The following ROR1 variants were observed in gnomAD, a reference collection of about 807,000 sequenced individuals.
The protein encoded by ROR1 is inactive tyrosine-protein kinase transmembrane receptor ROR1.
Under a neutral mutation model 78.8 loss-of-function variants are expected in ROR1, and 19 were observed. That is an observed-to-expected ratio of 0.24 (90% CI 0.17 to 0.35). ROR1 has a LOEUF of 0.35. ROR1 is among the 10% of genes least tolerant of loss of function. The pLI, the probability that ROR1 is intolerant of heterozygous loss-of-function variation, is 1.00. For missense variants in ROR1, 917 were observed against 1,177.8 expected, an observed-to-expected ratio of 0.78 and a Z score of 3.24; for synonymous variants, 386 against 433.6, an observed-to-expected ratio of 0.89 and a Z score of 1.36.
At chr1:63,919,929 A>G (rs1645640920) in intron 1 of ROR1, among the ~76,000 whole-genome samples, 1 of 152,224 alleles carries the variant, frequency 6.6e-6, no homozygotes, top group African/African-American at 2.4e-5. Flanking sequence ...AAACTACCAA[A>G]TATCCGCTTA....
At chr1:63,986,329 G>A (rs285349) in intron 1 of ROR1, among the ~76,000 whole-genome samples, 100,734 of 152,122 alleles carry the variant, frequency 0.66, 37,950 homozygotes, top group East Asian at 0.94. Flanking sequence ...CTTTCACTGA[G>A]ATTGCAGTAG....
In ROR1 at chr1:63,797,183, G is replaced by A. The variant is rs1008736851; in HGVS notation, c.91+22675G>A. ...AACACATGCCGAGAACTTTCTAGGTGCCAGGCACTGTGCCTTGCAAAAAAG... is the reference window on the plus strand; with the variant it reads ...AACACATGCCGAGAACTTTCTAGGTACCAGGCACTGTGCCTTGCAAAAAAG... On this transcript the variant is annotated intron_variant, in intron 1 of 8. Transcript: ENST00000371079. 5.3e-5 allele frequency among the ~76,000 whole-genome samples: 8 copies of A among 152,264 alleles called. No homozygotes were observed. In the East Asian group the frequency reaches 1.4e-3, roughly 26 times the overall value.
At chr1:63,998,925 C>T (rs1646361107) in intron 1 of ROR1, among the ~76,000 whole-genome samples, 1 of 152,180 alleles carries the variant, frequency 6.6e-6, no homozygotes, top group South Asian at 2.1e-4. Context: ...CTCACAAGAG[C>T]TGATGGTTTT....
intron 1 of ROR1, among the ~76,000 whole-genome samples, chr1:63,960,009 T>G (rs1399717048): frequency 6.6e-6 from 1 of 152,184 alleles, no homozygotes; most frequent in East Asian, 1.9e-4. Flanking sequence ...CACTATCCGC[T>G]TTTGATGTCA....
chr1:64,023,926 G>A (rs534482806), intron 2 of ROR1, among the ~76,000 whole-genome samples: 45 of 152,310 alleles, frequency 3.0e-4, no homozygotes, highest in Middle Eastern at 3.4e-3. Context: ...TGGATCATGG[G>A]CGCGGTTTTC....
intron 1 of ROR1, among the ~76,000 whole-genome samples, chr1:63,804,295 C>T (rs1644815423): frequency 1.3e-5 from 2 of 152,244 alleles, no homozygotes; most frequent in South Asian, 4.1e-4. Context: ...GAGTGCATGT[C>T]AAACTGGTCC....
intron 1 of ROR1, among the ~76,000 whole-genome samples, chr1:64,004,567 G>A (rs285387): frequency 0.66 from 99,867 of 151,986 alleles, 37,394 homozygotes; most frequent in East Asian, 0.94. Flanking sequence ...GCTGGCCGCT[G>A]GTCTTGTGAG....
intron 2 of ROR1, among the ~76,000 whole-genome samples, chr1:64,038,301 C>G (rs886905708): frequency 6.6e-6 from 1 of 152,174 alleles, no homozygotes; most frequent in African/African-American, 2.4e-5. Context: ...AGTCAGGGAA[C>G]CATCTGGCCT....
intron 1 of ROR1, among the ~76,000 whole-genome samples, chr1:63,932,894 G>A (rs1371913836): frequency 2.0e-5 from 3 of 152,120 alleles, no homozygotes; most frequent in African/African-American, 4.8e-5. Flanking sequence ...AATGGCAGGT[G>A]TAGGGCCAGA....
chr1:63,906,627 C>T (rs1645531163), intron 1 of ROR1, among the ~76,000 whole-genome samples: 1 of 152,172 alleles, frequency 6.6e-6, no homozygotes. Flanking sequence ...CTTTCACCCC[C>T]ACCCTGTCTG....
chr1:64,018,694 C>T (rs1646540983), intron 2 of ROR1, among the ~76,000 whole-genome samples: 1 of 152,170 alleles, frequency 6.6e-6, no homozygotes, highest in African/African-American at 2.4e-5. Context: ...AACAGCGTGT[C>T]AAGCTGTGAA....
intron 1 of ROR1, among the ~76,000 whole-genome samples, chr1:63,902,755 T>G (rs538546896): frequency 6.6e-6 from 1 of 152,322 alleles, no homozygotes; most frequent in African/African-American, 2.4e-5. Context: ...AACTCATGTT[T>G]TAATTCTCTC....
At chr1:64,011,501 A>T (rs752599551) in intron 2 of ROR1, among the ~76,000 whole-genome samples, 1 of 152,210 alleles carries the variant, frequency 6.6e-6, no homozygotes, top group Non-Finnish European at 1.5e-5. Flanking sequence ...AATGTGTGCT[A>T]AGAAAGGCAG....
chr1:63,809,942 G>T (rs1644850561), intron 1 of ROR1, among the ~76,000 whole-genome samples: 2 of 152,156 alleles, frequency 1.3e-5, no homozygotes, highest in Admixed American at 1.3e-4. Flanking sequence ...TTTTACCAGA[G>T]AAATTTCATA....
intron 1 of ROR1, chr1:63,843,802 A>G: frequency 1.1e-5 from 4 of 350,970 alleles, no homozygotes; most frequent in South Asian, 1.0e-4. Context: ...ATCAGGCTGC[A>G]CATTGCTCAT....
intron 4 of ROR1, among the ~76,000 whole-genome samples, chr1:64,067,757 G>A (rs575880686): frequency 2.3e-4 from 33 of 141,998 alleles, no homozygotes; most frequent in African/African-American, 8.7e-4. Context: ...CTGTCACCGA[G>A]GCTAGAGTGC....
intron 1 of ROR1, among the ~76,000 whole-genome samples, chr1:63,839,883 A>T (rs1645039436): frequency 6.6e-6 from 1 of 152,158 alleles, no homozygotes; most frequent in African/African-American, 2.4e-5. Flanking sequence ...TTGAAAATTA[A>T]ATAAAACAAA....
chr1:63,811,654 A>G (rs959679303), intron 1 of ROR1, among the ~76,000 whole-genome samples: 1 of 152,078 alleles, frequency 6.6e-6, no homozygotes, highest in Non-Finnish European at 1.5e-5. Flanking sequence ...GGAAGTAAGT[A>G]AGGTTCTGCT....
chr1:64,071,582 G>GACACACACACACACAC (rs546971973), intron 4 of ROR1, among the ~76,000 whole-genome samples: 2 of 106,382 alleles, frequency 1.9e-5, no homozygotes, highest in African/African-American at 6.2e-5. Flanking sequence ...CACCCACACA[G>GACACACACACACACAC]ACACACACAC....
Sources: allele counts gnomAD v4.1 joint callset (sites outside exome capture counted in the v4.1 genomes callset), GRCh38; gene constraint gnomAD v4.1.1; transcripts MANE v1.5; gene names NCBI Gene and HGNC (gene_info 2026-07-23, HGNC 2026-07-21).